The following QTMAN variants were observed in gnomAD, a reference collection of about 807,000 sequenced individuals.
QTMAN encodes the protein tRNA-queuosine alpha-mannosyltransferase.
At chr2:144,273,065 A>G in the QTMAN span, among the ~76,000 whole-genome samples, 1 of 152,188 alleles carries the variant, frequency 6.6e-6, no homozygotes, top group South Asian at 2.1e-4. Flanking sequence ...TACATACCTA[A>G]TAAATTGATA....
At chr2:144,162,825 A>C in the QTMAN span, among the ~76,000 whole-genome samples, 1 of 152,218 alleles carries the variant, frequency 6.6e-6, no homozygotes, top group Non-Finnish European at 1.5e-5. Flanking sequence ...TGTGTCTATC[A>C]GCTGACTCAG....
At chr2:143,979,809 A>G in the QTMAN span, among the ~76,000 whole-genome samples, 1 of 152,130 alleles carries the variant, frequency 6.6e-6, no homozygotes, top group Non-Finnish European at 1.5e-5. Flanking sequence ...ATTGTTTCCA[A>G]TTTTTTGATG....
the QTMAN span, among the ~76,000 whole-genome samples, chr2:144,026,154 T>C: frequency 3.9e-5 from 6 of 152,088 alleles, no homozygotes; most frequent in East Asian, 7.7e-4. Flanking sequence ...ACGGACTTGG[T>C]TGGGAGCGGT....
the QTMAN span, among the ~76,000 whole-genome samples, chr2:144,105,441 G>C: frequency 6.6e-6 from 1 of 152,250 alleles, no homozygotes; most frequent in African/African-American, 2.4e-5. Flanking sequence ...CATGGCACGA[G>C]AACTACGTGA....
At chr2:144,104,919 A>G in the QTMAN span, among the ~76,000 whole-genome samples, 23 of 152,328 alleles carry the variant, frequency 1.5e-4, no homozygotes, top group South Asian at 4.8e-3. Flanking sequence ...CTTCCAGGGG[A>G]ACGATCAGGC....
chr2:144,295,737 C>T, the QTMAN span, among the ~76,000 whole-genome samples: 3 of 152,022 alleles, frequency 2.0e-5, no homozygotes, highest in African/African-American at 4.8e-5. Context: ...CTCAGCCTCT[C>T]GAGTAGCTGA....
At chr2:143,980,086 G>A in the QTMAN span, among the ~76,000 whole-genome samples, 11 of 151,914 alleles carry the variant, frequency 7.2e-5, no homozygotes, top group African/African-American at 2.4e-4. Flanking sequence ...TGTCACATAG[G>A]TTAACGTGTT....
the QTMAN span, among the ~76,000 whole-genome samples, chr2:143,983,506 T>A: frequency 1.4e-5 from 2 of 144,856 alleles, no homozygotes; most frequent in Non-Finnish European, 3.0e-5. Context: ...GGAGTCTTGC[T>A]CTGTCGCCCA....
chr2:144,153,114 G>A, the QTMAN span, among the ~76,000 whole-genome samples: 3 of 152,256 alleles, frequency 2.0e-5, no homozygotes, highest in East Asian at 5.8e-4. Context: ...GGAAAAAAAT[G>A]AATAATCAGA....
At chr2:144,281,267 G>T in the QTMAN span, among the ~76,000 whole-genome samples, 1 of 151,582 alleles carries the variant, frequency 6.6e-6, no homozygotes, top group African/African-American at 2.4e-5. Context: ...GGCAATATCA[G>T]CTAAAGCTCA....
chr2:144,324,225 A>G, the QTMAN span, among the ~76,000 whole-genome samples: 1 of 152,232 alleles, frequency 6.6e-6, no homozygotes, highest in Non-Finnish European at 1.5e-5. Flanking sequence ...GTATATAAAT[A>G]AACTGATAAC....
the QTMAN span, among the ~76,000 whole-genome samples, chr2:144,126,327 C>A: frequency 6.6e-6 from 1 of 151,684 alleles, no homozygotes; most frequent in Non-Finnish European, 1.5e-5. Context: ...CAAACAAACA[C>A]CTGGTTCCAA....
chr2:144,274,901 G>T, the QTMAN span, among the ~76,000 whole-genome samples: 2 of 152,284 alleles, frequency 1.3e-5, 1 homozygote, highest in Admixed American at 1.3e-4. Context: ...GTGGGTTGTA[G>T]GGAGCAGTAC....
At chr2:144,003,218 T>C in the QTMAN span, among the ~76,000 whole-genome samples, 1 of 151,904 alleles carries the variant, frequency 6.6e-6, no homozygotes, top group Non-Finnish European at 1.5e-5. Flanking sequence ...TTTAAGAGTA[T>C]GAAGGAGTCT....
At chr2:144,096,694 G>A in the QTMAN span, among the ~76,000 whole-genome samples, 1 of 152,176 alleles carries the variant, frequency 6.6e-6, no homozygotes, top group East Asian at 1.9e-4. Flanking sequence ...TCTGTCACAT[G>A]CCATGGGCAC....
chr2:144,094,948 T>C, the QTMAN span, among the ~76,000 whole-genome samples: 1 of 152,346 alleles, frequency 6.6e-6, no homozygotes, highest in Admixed American at 6.5e-5. Flanking sequence ...GATCACATCT[T>C]ATTCACTTTG....
chr2:144,028,859 T>C, the QTMAN span, among the ~76,000 whole-genome samples: 1 of 152,208 alleles, frequency 6.6e-6, no homozygotes, highest in African/African-American at 2.4e-5. Flanking sequence ...ACTAGAGTGG[T>C]TGGTAACTAT....
At chr2:144,049,781 G>T in the QTMAN span, among the ~76,000 whole-genome samples, 1 of 152,108 alleles carries the variant, frequency 6.6e-6, no homozygotes, top group African/African-American at 2.4e-5. Context: ...GCCTAATAAT[G>T]TCTCATGTAA....
chr2:144,177,818 A>G, the QTMAN span, among the ~76,000 whole-genome samples: 1 of 152,232 alleles, frequency 6.6e-6, no homozygotes, highest in Non-Finnish European at 1.5e-5. Context: ...GAAATTTTCT[A>G]GTAGCCATTA....
Sources: allele counts gnomAD v4.1 joint callset (sites outside exome capture counted in the v4.1 genomes callset), GRCh38; gene constraint gnomAD v4.1.1; transcripts MANE v1.5; gene names NCBI Gene and HGNC (gene_info 2026-07-23, HGNC 2026-07-21).